DIP2C: variants seen among roughly 807,000 people sequenced by gnomAD.
DIP2C encodes disco-interacting protein 2 homolog C.
Under a neutral mutation model 192.4 loss-of-function variants are expected in DIP2C, and 33 were observed. The ratio of observed to expected loss-of-function variants is 0.17; its 90% CI spans 0.13 to 0.23. The LOEUF (loss-of-function observed/expected upper bound fraction) is 0.23, where lower values mean the gene tolerates loss of function less well. DIP2C is among the 10% of genes least tolerant of loss of function. The pLI is 1.00. For missense variants in DIP2C, 1,537 were observed against 2,110.1 expected (o/e 0.73, Z 5.32); for synonymous variants, 979 against 864.1 (o/e 1.13, Z -2.33).
At chr10:432,084 A>T (rs1477161866) in intron 4 of DIP2C, among the ~76,000 whole-genome samples, 5 of 147,084 alleles carry the variant, frequency 3.4e-5, no homozygotes, top group Non-Finnish European at 7.5e-5. Flanking sequence ...TTGGTGCACA[A>T]TTTTTTTTTT....
intron 17 of DIP2C, among the ~76,000 whole-genome samples, chr10:381,989 C>A (rs1419989192): frequency 6.6e-6 from 1 of 152,182 alleles, no homozygotes; most frequent in Non-Finnish European, 1.5e-5. Flanking sequence ...CCGTCAGTGG[C>A]ACCTACGTTG....
At chr10:316,649 G>A (rs1956785891) in intron 31 of DIP2C, among the ~76,000 whole-genome samples, 1 of 152,122 alleles carries the variant, frequency 6.6e-6, no homozygotes, top group Non-Finnish European at 1.5e-5. Flanking sequence ...GGTGATCCAG[G>A]CCACCCTCGA....
intron 6 of DIP2C, among the ~76,000 whole-genome samples, chr10:417,931 AGGGCTTC>A (rs1564686122): frequency 1.1e-4 from 11 of 102,798 alleles, no homozygotes; most frequent in South Asian, 3.5e-4. Flanking sequence ...TGTTCCTGTC[AGGGCTTC>A]GATAGGCCTC....
At chr10:406,510 C>A (rs555851620) in intron 9 of DIP2C, among the ~76,000 whole-genome samples, 1 of 152,322 alleles carries the variant, frequency 6.6e-6, no homozygotes, top group Admixed American at 6.5e-5. Context: ...AATTATGACA[C>A]TGAAAGGGAT....
Position 626,647 on chromosome 10 carries a change from G to A in DIP2C, c.85+62847C>T, listed in dbSNP as rs576184363. Among the ~76,000 whole-genome samples, 42 of 152,218 alleles carry A rather than the reference G, an allele frequency of 2.8e-4. 1 individual carries two copies. The highest frequency in any genetic ancestry group is 3.4e-3 in the Middle Eastern group (1 of 294). ...AGAGGCATTCCGGCCTATTCAGGAC[G>A]GGGGACACACCCTGGGGAAATGCCT... On this transcript the variant is annotated intron_variant, in intron 1 of 36. Transcript: ENST00000280886.
intron 14 of DIP2C, among the ~76,000 whole-genome samples, chr10:386,498 C>T (rs1962933890): frequency 6.6e-6 from 1 of 152,058 alleles, no homozygotes. Flanking sequence ...GTCCTTCAAT[C>T]CCAAAGCAGG....
chr10:491,926 GGAA>G (rs1031809334), intron 1 of DIP2C, among the ~76,000 whole-genome samples: 12 of 152,254 alleles, frequency 7.9e-5, no homozygotes, highest in South Asian at 4.1e-4. Flanking sequence ...CCAGGGGCTA[GGAA>G]GAAGCTCAGA....
At chr10:650,490 C>T in intron 1 of DIP2C, 2 of 702,058 alleles carry the variant, frequency 2.8e-6, no homozygotes, top group South Asian at 1.5e-5. Context: ...GCCACTTCTA[C>T]TGGGTTCCCT....
In DIP2C at chr10:636,318, A is replaced by G. The variant is rs1854838159; in HGVS notation, c.85+53176T>C. 6.6e-6 allele frequency among the ~76,000 whole-genome samples: 1 copy of G among 152,142 alleles called. No homozygotes were observed. The highest frequency in any genetic ancestry group is 2.4e-5 in the African/African-American group (1 of 41,418). On this transcript the variant is annotated intron_variant, in intron 1 of 36. Transcript: ENST00000280886. This position sits in a 1 kb window ranked among gnomAD's most constrained non-coding sequence, Gnocchi z 4.6. ...CACATTTTCATTATGAAAATGTTCAAACATATTTAAAAAGTGGAAGAACAG... is the reference window on the plus strand; with the variant it reads ...CACATTTTCATTATGAAAATGTTCAGACATATTTAAAAAGTGGAAGAACAG...
At chr10:647,088 G>A (rs187268736) in intron 1 of DIP2C, among the ~76,000 whole-genome samples, 20 of 151,852 alleles carry the variant, frequency 1.3e-4, no homozygotes, top group East Asian at 3.9e-4. Flanking sequence ...CACATTTGAC[G>A]GTGGGAGAGA....
intron 14 of DIP2C, among the ~76,000 whole-genome samples, chr10:387,246 C>T (rs972506547): frequency 5.3e-5 from 8 of 152,232 alleles, no homozygotes. Flanking sequence ...TAACCTCAAT[C>T]CACGTGTCCA....
chr10:583,376 C>G (rs1454023777), intron 1 of DIP2C, among the ~76,000 whole-genome samples: 1 of 152,166 alleles, frequency 6.6e-6, no homozygotes, highest in Non-Finnish European at 1.5e-5. Flanking sequence ...TCCCAGGGAG[C>G]CTGTTTGGTA....
intron 32 of DIP2C, among the ~76,000 whole-genome samples, chr10:301,071 C>T (rs749880383): frequency 1.3e-5 from 2 of 152,046 alleles, no homozygotes. Flanking sequence ...CAGCAGCATC[C>T]ACTGGCACTG....
At chr10:594,959 G>A (rs986629815) in intron 1 of DIP2C, among the ~76,000 whole-genome samples, 19 of 152,186 alleles carry the variant, frequency 1.2e-4, no homozygotes, top group African/African-American at 3.6e-4. Flanking sequence ...AGAAGGGAGA[G>A]GAGACAGAAC....
At chr10:372,053 C>T (rs187960791) in intron 17 of DIP2C, among the ~76,000 whole-genome samples, 3 of 150,274 alleles carry the variant, frequency 2.0e-5, no homozygotes, top group African/African-American at 7.3e-5. Context: ...TTTATTGTCT[C>T]AATCACAAAA....
At chr10:302,103 AAACT>A (rs1009421258) in intron 32 of DIP2C, among the ~76,000 whole-genome samples, 1 of 151,904 alleles carries the variant, frequency 6.6e-6, no homozygotes, top group African/African-American at 2.4e-5. Flanking sequence ...GAAAAACTAT[AAACT>A]AATAAGAAAA....
intron 1 of DIP2C, among the ~76,000 whole-genome samples, chr10:661,019 G>A (rs534779454): frequency 2.0e-5 from 3 of 152,196 alleles, no homozygotes; most frequent in East Asian, 1.9e-4. Context: ...CACAAGTTTT[G>A]TAAGTCCTTC....
At position 441,004 on chromosome 10, in the gene DIP2C, G is replaced by C; in HGVS notation, c.269-8C>G. On this transcript the variant is annotated splice_polypyrimidine_tract_variant and splice_region_variant and intron_variant, in intron 3 of 36. Coordinates refer to ENST00000280886, the MANE Select transcript of DIP2C (RefSeq NM_014974.3). ...CAGCTTCCGTGTGGACGTCTGAAAC[G>C]GAGAGAGCTCAGTCACTCAGTGCTC... The C allele has an allele frequency of 6.2e-7, 1 of 1,610,376 alleles. No individual in the cohort carries two copies. Among genetic ancestry groups the C allele is most frequent in the Non-Finnish European group, 8.5e-7 (1 of 1,179,096 alleles).
chr10:481,189 C>G (rs1843581003), intron 2 of DIP2C, among the ~76,000 whole-genome samples: 1 of 152,238 alleles, frequency 6.6e-6, no homozygotes, highest in African/African-American at 2.4e-5. Context: ...GGAATCAGAA[C>G]AACCAACGGC....
Sources: gnomAD v4.1 joint callset for allele counts (sites outside exome capture counted in the v4.1 genomes callset) on GRCh38, gnomAD v4.1.1 for gene constraint, Gnocchi (gnomAD v3.1) non-coding constraint, MANE v1.5 for transcripts, NCBI Gene and HGNC (gene_info 2026-07-23, HGNC 2026-07-21) for gene names.